Variants in ATG13 observed in about 807,000 individuals in gnomAD.
ATG13 encodes autophagy related 13, also known as autophagy-related protein 13.
ATG13 carries 23 observed loss-of-function variants against 65.5 expected under a neutral mutation model. The observed-to-expected ratio is 0.35, with a 90% confidence interval of 0.25 to 0.50. The LOEUF is 0.50. ATG13 is among the 20% of genes least tolerant of loss of function. ATG13 has a pLI of 0.98. For missense variants in ATG13, 566 were observed against 677.0 expected (o/e 0.84, Z 1.82); for synonymous variants, 252 against 245.2 (o/e 1.03, Z -0.26).
intron 7 of ATG13, among the ~76,000 whole-genome samples, chr11:46,655,208 G>T (rs760767987): frequency 5.3e-5 from 8 of 152,132 alleles, no homozygotes; most frequent in Non-Finnish European, 1.2e-4. Context: ...AACCATCCTG[G>T]CTAACACGGC....
intron 8 of ATG13, 194 bp from the exon 9 acceptor site, chr11:46,656,901 C>A: frequency 1.8e-6 from 1 of 556,958 alleles, no homozygotes; most frequent in South Asian, 2.4e-5. Context: ...GGGAAGAAAC[C>A]TATATATACA....
At chr11:46,618,766 A>T (rs1273794383) in intron 1 of ATG13, among the ~76,000 whole-genome samples, 2 of 151,028 alleles carry the variant, frequency 1.3e-5, no homozygotes, top group Non-Finnish European at 1.5e-5. Flanking sequence ...GTTGTTTTCA[A>T]CTCTCCATTT....
chr11:46,645,559 T>G (rs1352229931), intron 4 of ATG13, 140 bp downstream of exon 4: 2 of 818,674 alleles, frequency 2.4e-6, no homozygotes, highest in Admixed American at 3.1e-5. Flanking sequence ...TCCATTTACT[T>G]GAAAAGGTTG....
chr11:46,637,003 A>G (rs758620941), intron 2 of ATG13, among the ~76,000 whole-genome samples: 1 of 152,196 alleles, frequency 6.6e-6, no homozygotes, highest in Non-Finnish European at 1.5e-5. Flanking sequence ...CTGGGATTAC[A>G]GGTGTGAGCC....
chr11:46,669,456 A>G lies in ATG13; in HGVS notation c.1499A>G (p.Tyr500Cys), dbSNP rs371908542. ...DILPMDLGTF[Y>C]REFQNPPQLS... is the part of the protein sequence containing the mutation. ...CTTCCGATGGACCTGGGGACCTTCT[A>G]TCGGGAGTTTCAGAACCCACCTCAG... The change falls in exon 18 of 19, where the codon TAT (tyrosine) becomes TGT (cysteine). Residue 500 changes from tyrosine (Y) to cysteine (C), a missense_variant. By Grantham distance (194) the Tyr-to-Cys change is radical (BLOSUM62 -2). Coordinates refer to ENST00000683050, the MANE Select transcript of ATG13 (RefSeq NM_001346311.2). 8.1e-6 allele frequency: 13 copies of G among 1,614,004 alleles called. No individual in the cohort carries two copies. Among genetic ancestry groups the G allele is most frequent in the East Asian group, 2.2e-5 (1 of 44,884 alleles).
chr11:46,622,845 TG>T (rs2135659125), intron 1 of ATG13, among the ~76,000 whole-genome samples: 1 of 152,270 alleles, frequency 6.6e-6, no homozygotes, highest in South Asian at 2.1e-4. Context: ...ATCTTCGGGG[TG>T]CAATTTTGTT....
At chr11:46,653,566 C>CTT (rs573563973) in intron 7 of ATG13, among the ~76,000 whole-genome samples, 9 of 142,614 alleles carry the variant, frequency 6.3e-5, no homozygotes, top group East Asian at 4.1e-4. Context: ...CATGAAGCTT[C>CTT]TTTTTTTTTT....
intron 11 of ATG13, among the ~76,000 whole-genome samples, chr11:46,662,828 G>C (rs2061456015): frequency 6.6e-6 from 1 of 152,182 alleles, no homozygotes; most frequent in Admixed American, 6.5e-5. Flanking sequence ...GTAAATACAT[G>C]TTAATGTGAT....
In ATG13 at chr11:46,668,879, A is replaced by G. The variant is rs1258839444; in HGVS notation, c.1415A>G (p.Asn472Ser). The stretch of plus-strand genomic sequence containing the variant: ...GGCTCCAGCGGGGGCAGCAGTGGCA[A>G]TACCCATGATGACTTTGTTATGATA... ...SDGSSGGSSG[N>S]THDDFVMIDF... Residue 472 changes from asparagine (N) to serine (S), a missense_variant, in exon 17 of 19, where the codon AAT (asparagine) becomes AGT (serine). By Grantham distance (46) the Asn-to-Ser change is conservative. Transcript: ENST00000683050. The G allele has an allele frequency of 6.2e-7, 1 of 1,613,942 alleles. No homozygotes were observed. The highest frequency in any genetic ancestry group is 1.1e-5 in the South Asian group (1 of 91,090).
At chr11:46,655,267 C>T (rs1336903106) in intron 7 of ATG13, among the ~76,000 whole-genome samples, 2 of 151,894 alleles carry the variant, frequency 1.3e-5, no homozygotes, top group Non-Finnish European at 2.9e-5. Flanking sequence ...GGCGCGGTGG[C>T]GGACACCTGT....
rs1565654020 is a variant in ATG13 at position 46,672,949 on chromosome 11, C to T, written c.*617C>T. 1.8e-6 allele frequency: 1 copy of T among 568,108 alleles called. No individual in the cohort carries two copies. 35.2% of individuals were successfully genotyped at this position (568,108 alleles called of 1,614,324 possible). On this transcript the variant is annotated 3_prime_UTR_variant, in exon 19 of 19. Coordinates refer to ENST00000683050, the MANE Select transcript of ATG13 (RefSeq NM_001346311.2). ...ATCAGAACTCCAAAACCACTCCCAC[C>T]CCTGAAGGTCGGGAGGGTCTGAGCA...
At position 46,672,855 on chromosome 11, in the gene ATG13, TCTC is replaced by T. The variant is rs945565804; in HGVS notation, c.*527_*529del. The T allele has an allele frequency of 6.4e-5, 75 of 1,164,240 alleles. No homozygotes were observed. The highest frequency in any genetic ancestry group is 5.8e-4 in the East Asian group (10 of 17,282). 72.1% of individuals were successfully genotyped at this position (1,164,240 alleles called of 1,614,324 possible). A position where few individuals can be genotyped will look rare whatever the true frequency, so the allele number is the denominator to read the frequency against. ...TCCCCTTTACTTCCTGCTATCTTCT[TCTC>T]CTCTTCTTCTCTCTCTTGCCTCTAT... On this transcript the variant is annotated 3_prime_UTR_variant, in exon 19 of 19. Coordinates refer to ENST00000683050, the MANE Select transcript of ATG13 (RefSeq NM_001346311.2).
chr11:46,620,053 A>C (rs932333393), intron 1 of ATG13, among the ~76,000 whole-genome samples: 13 of 149,630 alleles, frequency 8.7e-5, no homozygotes, highest in Admixed American at 2.0e-4. Context: ...AATTCCTCTG[A>C]GGACCAATAT....
chr11:46,624,950 G>A (rs951985308), intron 1 of ATG13, among the ~76,000 whole-genome samples: 5 of 152,020 alleles, frequency 3.3e-5, no homozygotes, highest in East Asian at 1.9e-4. Flanking sequence ...GAGCCTGGGA[G>A]GTCCAGGCTG....
intron 1 of ATG13, chr11:46,618,401 C>T (rs2046054612): frequency 6.6e-6 from 1 of 152,494 alleles, no homozygotes; most frequent in South Asian, 2.1e-4. Flanking sequence ...CCTTCTTGAG[C>T]TCATCACTAA....
At chr11:46,633,690 A>C (rs2052831413) in intron 2 of ATG13, among the ~76,000 whole-genome samples, 1 of 152,094 alleles carries the variant, frequency 6.6e-6, no homozygotes, top group South Asian at 2.1e-4. Flanking sequence ...GCGAGTTTAT[A>C]GTCCCAGCTA....
In ATG13 at chr11:46,672,487, A is replaced by G. The variant is rs1426606092; in HGVS notation, c.*155A>G. On this transcript the variant is annotated 3_prime_UTR_variant, in exon 19 of 19. Coordinates refer to ENST00000683050, the MANE Select transcript of ATG13 (RefSeq NM_001346311.2). ...GGGACCCAGAAGTCCCTACTCTTGG[A>G]CCTCCTGGAGACTCCGTGGCGGCAG... 1.3e-6 allele frequency: 2 copies of G among 1,513,554 alleles called. No individual in the cohort carries two copies. The highest frequency in any genetic ancestry group is 4.3e-5 in the Admixed American group (2 of 46,848). The allele number at this position is 1,513,554 out of a possible 1,614,324, so 93.8% of individuals were successfully genotyped here. A position where few individuals can be genotyped will look rare whatever the true frequency, so the allele number is the denominator to read the frequency against.
At chr11:46,657,702 T>G (rs1176624303) in intron 10 of ATG13, 80 bp downstream of exon 10, 2 of 1,280,394 alleles carry the variant, frequency 1.6e-6, no homozygotes, top group African/African-American at 1.5e-5. Context: ...GGAACACTTT[T>G]CTCAGCACTC....
Position 46,669,537 on chromosome 11 carries a change from G to A in ATG13, c.1575+5G>A. 6.2e-7 allele frequency: 1 copy of A among 1,613,806 alleles called. No individual in the cohort carries two copies. The highest frequency in any genetic ancestry group is 1.1e-5 in the South Asian group (1 of 91,066). On this transcript the variant is annotated splice_donor_5th_base_variant and intron_variant, in intron 18 of 18. Coordinates refer to ENST00000683050, the MANE Select transcript of ATG13 (RefSeq NM_001346311.2). ...CAGTCCATGGCTGAAGACTTGGTAT[G>A]GAAACGTCTTCCTCTACCACAGTGC...
Sources: allele counts gnomAD v4.1 joint callset (sites outside exome capture counted in the v4.1 genomes callset), GRCh38; gene constraint gnomAD v4.1.1; transcripts MANE v1.5; gene names NCBI Gene and HGNC (gene_info 2026-07-23, HGNC 2026-07-21).